The following EXT2 variants were observed in gnomAD, a reference collection of about 807,000 sequenced individuals.
EXT2 encodes exostosin glycosyltransferase 2, also known as exostosin-2.
In EXT2, 53 loss-of-function variants were observed where a neutral mutation model predicts 81.6. The observed-to-expected ratio is 0.65, with a 90% CI of 0.52 to 0.82. The LOEUF is 0.82. Among genes scored for constraint, EXT2 ranks in the 40% least tolerant of loss-of-function variants. The pLI is 0.00. For synonymous variants in EXT2, 320 were observed against 340.0 expected, an observed-to-expected ratio of 0.94 and a Z score of 0.65; for missense variants, 774 against 910.2, an observed-to-expected ratio of 0.85 and a Z score of 1.93.
At chr11:44,218,988 T>C (rs1018516929) in intron 10 of EXT2, among the ~76,000 whole-genome samples, 2 of 151,640 alleles carry the variant, frequency 1.3e-5, no homozygotes, top group Non-Finnish European at 2.9e-5. Context: ...TTACTAGAGA[T>C]GGGGTTTTCA....
At chr11:44,192,916 G>A (rs538789069) in intron 8 of EXT2, among the ~76,000 whole-genome samples, 1 of 152,296 alleles carries the variant, frequency 6.6e-6, no homozygotes, top group Non-Finnish European at 1.5e-5. Context: ...TCATTTAAAT[G>A]TACATCAGCT....
At chr11:44,236,118 C>T (rs573956902) in intron 12 of EXT2, among the ~76,000 whole-genome samples, 175 bp from the exon 13 acceptor site, 5 of 152,200 alleles carry the variant, frequency 3.3e-5, no homozygotes, top group Admixed American at 3.3e-4. Context: ...TGAGTTCTGC[C>T]GTTGGCTGAG....
At chr11:44,208,417 C>T (rs1205578344) in intron 10 of EXT2, among the ~76,000 whole-genome samples, 1 of 152,204 alleles carries the variant, frequency 6.6e-6, no homozygotes, top group Non-Finnish European at 1.5e-5. Flanking sequence ...TGATTTCTTT[C>T]AACCCTGAGT....
At chr11:44,194,593 C>G (rs565111640) in intron 8 of EXT2, among the ~76,000 whole-genome samples, 2 of 152,244 alleles carry the variant, frequency 1.3e-5, no homozygotes, top group Admixed American at 1.3e-4. Context: ...GTTATATAGC[C>G]TTGAACATCA....
At chr11:44,127,100 A>G (rs563779325) in intron 6 of EXT2, 145 bp downstream of exon 6, 36 of 1,141,964 alleles carry the variant, frequency 3.2e-5, no homozygotes, top group Non-Finnish European at 4.0e-5. Flanking sequence ...GAGTTAGTAC[A>G]CTGGTCTAGA....
At chr11:44,212,318 A>C (rs866640678) in intron 10 of EXT2, among the ~76,000 whole-genome samples, 1 of 136,808 alleles carries the variant, frequency 7.3e-6, no homozygotes, top group African/African-American at 2.6e-5. Flanking sequence ...TAAATAAATA[A>C]ATAAATAAAT....
intron 7 of EXT2, among the ~76,000 whole-genome samples, chr11:44,153,516 T>G (rs1401822759): frequency 1.3e-5 from 2 of 152,120 alleles, no homozygotes; most frequent in Non-Finnish European, 2.9e-5. Context: ...TTTTTTTTTC[T>G]TGACTTACTG....
intron 1 of EXT2, among the ~76,000 whole-genome samples, chr11:44,097,316 T>C (rs1312348004): frequency 3.9e-5 from 6 of 152,220 alleles, no homozygotes; most frequent in Admixed American, 1.3e-4. Flanking sequence ...TTGAAAATAA[T>C]TTTTAGGGGC....
At chr11:44,240,359 C>G (rs184957862) in intron 13 of EXT2, among the ~76,000 whole-genome samples, 1 of 152,166 alleles carries the variant, frequency 6.6e-6, no homozygotes, top group East Asian at 1.9e-4. Flanking sequence ...AACAGGCAGG[C>G]TGGAGAAGGT....
At chr11:44,105,777 C>G (rs2134960204) in intron 1 of EXT2, among the ~76,000 whole-genome samples, 1 of 152,290 alleles carries the variant, frequency 6.6e-6, no homozygotes, top group South Asian at 2.1e-4. Context: ...CATGGGAACT[C>G]TACATTTTTA....
intron 1 of EXT2, among the ~76,000 whole-genome samples, 154 bp from the exon 2 acceptor site, chr11:44,107,529 A>C (rs1476726319): frequency 6.6e-6 from 1 of 152,154 alleles, no homozygotes; most frequent in Admixed American, 6.5e-5. Flanking sequence ...GGTTGCAGTG[A>C]GCTGAGATTG....
intron 7 of EXT2, among the ~76,000 whole-genome samples, chr11:44,160,303 T>A (rs560782208): frequency 6.6e-6 from 1 of 152,358 alleles, no homozygotes; most frequent in East Asian, 1.9e-4. Context: ...TGTGATTCTC[T>A]CTATTCACCT....
intron 8 of EXT2, among the ~76,000 whole-genome samples, chr11:44,185,515 G>A (rs1355993000): frequency 2.6e-5 from 4 of 151,956 alleles, no homozygotes; most frequent in Admixed American, 2.6e-4. Context: ...TGCCCTTGTG[G>A]GTTCATGCCT....
intron 7 of EXT2, among the ~76,000 whole-genome samples, chr11:44,132,502 G>T (rs748422886): frequency 6.6e-6 from 1 of 152,108 alleles, no homozygotes; most frequent in African/African-American, 2.4e-5. Context: ...AAGCTCCCTA[G>T]GCTTCCATTT....
Position 44,206,920 on chromosome 11 carries a change from C to T in EXT2, c.1623C>T (p.Ile541=). The change falls in exon 10 of 14, where the codon ATC becomes ATT. Residue 541 remains isoleucine (I), a synonymous_variant. Transcript: ENST00000533608. ...CTGTTCTGGCCATTGATGATGATAT[C>T]ATTATGCTGACCTCTGACGAGCTGC... ...TEAVLAIDDD[I]IMLTSDELQF... is the part of the protein sequence containing the mutation. The T allele has an allele frequency of 6.2e-7, 1 of 1,614,148 alleles. No individual in the cohort carries two copies. The highest frequency in any genetic ancestry group is 2.2e-5 in the East Asian group (1 of 44,870).
intron 10 of EXT2, among the ~76,000 whole-genome samples, chr11:44,210,342 A>G (rs1208387483): frequency 2.0e-5 from 3 of 152,274 alleles, no homozygotes; most frequent in Non-Finnish European, 4.4e-5. Context: ...TGATACATGC[A>G]ACAACATGGA....
At chr11:44,173,172 G>A (rs1955101338) in intron 8 of EXT2, among the ~76,000 whole-genome samples, 1 of 152,180 alleles carries the variant, frequency 6.6e-6, no homozygotes, top group Non-Finnish European at 1.5e-5. Flanking sequence ...AAAGGGGACA[G>A]GCATCTCTCC....
In EXT2 at chr11:44,134,731, T is replaced by G. The variant is rs1019203862; in HGVS notation, c.1173+4593T>G. ...AGGAAGGTGTAAATGGATCCCCAGTTTATCTGTTGAGTAGAATTTCCAAAC... is the reference window on the plus strand; with the variant it reads ...AGGAAGGTGTAAATGGATCCCCAGTGTATCTGTTGAGTAGAATTTCCAAAC... On this transcript the variant is annotated intron_variant, in intron 7 of 13. Coordinates refer to ENST00000533608, the MANE Select transcript of EXT2 (RefSeq NM_207122.2). Among the ~76,000 whole-genome samples, 7 of 152,288 alleles carry G rather than the reference T, an allele frequency of 4.6e-5. No individual in the cohort carries two copies. The South Asian group carries it at 1.5e-3, about 32-fold the overall frequency.
intron 10 of EXT2, among the ~76,000 whole-genome samples, chr11:44,214,751 CTT>C (rs535100279): frequency 7.9e-5 from 11 of 138,424 alleles, no homozygotes; most frequent in Non-Finnish European, 4.7e-5. Context: ...AAAGAATTGA[CTT>C]TTTTTTTTTT....
Sources: allele counts gnomAD v4.1 joint callset (sites outside exome capture counted in the v4.1 genomes callset), GRCh38; gene constraint gnomAD v4.1.1; transcripts MANE v1.5; gene names NCBI Gene and HGNC (gene_info 2026-07-23, HGNC 2026-07-21).